The following RAB3GAP2 variants were observed in gnomAD, a reference collection of about 807,000 sequenced individuals.
RAB3GAP2 encodes the protein rab3 GTPase-activating protein non-catalytic subunit.
A neutral mutation model predicts 185.3 loss-of-function variants in RAB3GAP2; 87 were observed. The ratio of observed to expected loss-of-function variants is 0.47; its 90% CI spans 0.39 to 0.56. RAB3GAP2 has a LOEUF of 0.56. RAB3GAP2 is among the 20% of genes least tolerant of loss of function. RAB3GAP2 has a pLI of 0.00. For synonymous variants in RAB3GAP2, 554 were observed against 576.1 expected, an observed-to-expected ratio of 0.96 and a Z score of 0.55; for missense variants, 1,492 against 1,638.2, an observed-to-expected ratio of 0.91 and a Z score of 1.54.
Position 220,205,965 on chromosome 1 carries a change from A to G in RAB3GAP2, c.654T>C (p.Thr218=). Residue 218 remains threonine, a synonymous_variant, in exon 8 of 35, where the codon ACT becomes ACC. Transcript: ENST00000358951. The stretch of plus-strand genomic sequence containing the variant: ...ATTGAAAAAGGCTAAATCCATCAAT[A>G]GTCACAATGGCAGCTGGATATAAGA... ...LSILYPAAIV[T]IDGFSLFQSL... The G allele has an allele frequency of 6.2e-7, 1 of 1,611,606 alleles. No individual in the cohort carries two copies. Among genetic ancestry groups the G allele is most frequent in the Non-Finnish European group, 8.5e-7 (1 of 1,177,958 alleles).
At chr1:220,202,150 G>C in intron 9 of RAB3GAP2, 126 bp downstream of exon 9, 1 of 1,063,880 alleles carries the variant, frequency 9.4e-7, no homozygotes, top group Non-Finnish European at 1.3e-6. Flanking sequence ...GGGTGACAGA[G>C]CAAAGCTCCA....
intron 1 of RAB3GAP2, among the ~76,000 whole-genome samples, chr1:220,251,879 G>A (rs1470940320): frequency 2.6e-5 from 4 of 152,140 alleles, no homozygotes; most frequent in East Asian, 1.9e-4. Context: ...TAGACTGGGT[G>A]CGGTGGCTCA....
chr1:220,226,255 T>C (rs1571916067), intron 2 of RAB3GAP2, among the ~76,000 whole-genome samples: 1 of 152,172 alleles, frequency 6.6e-6, no homozygotes, highest in African/African-American at 2.4e-5. Context: ...AATACACCAA[T>C]GAAGGAAAGT....
chr1:220,244,745 A>T (rs1267127935), intron 1 of RAB3GAP2, among the ~76,000 whole-genome samples: 1 of 152,200 alleles, frequency 6.6e-6, no homozygotes, highest in Non-Finnish European at 1.5e-5. Flanking sequence ...ACCCAGAAGT[A>T]AAGCCAAATA....
chr1:220,242,570 A>T (rs139312439), intron 1 of RAB3GAP2, among the ~76,000 whole-genome samples: 101 of 152,064 alleles, frequency 6.6e-4, no homozygotes, highest in African/African-American at 2.4e-3. Flanking sequence ...GCTCCGTATT[A>T]TACCACTGTG....
At chr1:220,261,477 C>T (rs982743408) in intron 1 of RAB3GAP2, among the ~76,000 whole-genome samples, 35 of 152,208 alleles carry the variant, frequency 2.3e-4, no homozygotes, top group Non-Finnish European at 4.7e-4. Context: ...ACTGGTCACT[C>T]CACTTCCACT....
At chr1:220,243,124 G>A (rs1424372839) in intron 1 of RAB3GAP2, among the ~76,000 whole-genome samples, 1 of 152,088 alleles carries the variant, frequency 6.6e-6, no homozygotes, top group Non-Finnish European at 1.5e-5. Flanking sequence ...GGAGGCCGAG[G>A]GGGGCGGATC....
intron 13 of RAB3GAP2, among the ~76,000 whole-genome samples, chr1:220,192,658 C>A (rs190504736): frequency 2.7e-3 from 410 of 152,274 alleles, no homozygotes; most frequent in Non-Finnish European, 4.6e-3. Context: ...TTTCTGCTTC[C>A]TTCCCGGAAT....
intron 28 of RAB3GAP2, among the ~76,000 whole-genome samples, chr1:220,159,898 T>A (rs1571875224): frequency 6.6e-6 from 1 of 152,162 alleles, no homozygotes; most frequent in African/African-American, 2.4e-5. Context: ...GCACCTGTAG[T>A]CCTAGCTACT....
At chr1:220,243,513 G>A (rs1314117958) in intron 1 of RAB3GAP2, among the ~76,000 whole-genome samples, 1 of 152,130 alleles carries the variant, frequency 6.6e-6, no homozygotes, top group East Asian at 1.9e-4. Context: ...CTCGCTCAAG[G>A]TCACACAACT....
intron 2 of RAB3GAP2, among the ~76,000 whole-genome samples, chr1:220,225,546 G>A (rs1256684716): frequency 6.6e-6 from 1 of 152,176 alleles, no homozygotes; most frequent in Non-Finnish European, 1.5e-5. Context: ...AGCTGTGAAA[G>A]CCAAAAATGT....
chr1:220,167,561 CCTT>C lies in RAB3GAP2; in HGVS notation c.2918_2920del (p.Glu973del), dbSNP rs1558142094. 7 of 1,614,154 alleles carry C rather than the reference CCTT, an allele frequency of 4.3e-6. No homozygotes were observed. Among genetic ancestry groups the C allele is most frequent in the Non-Finnish European group, 5.1e-6 (6 of 1,180,018 alleles). On this transcript the variant is annotated inframe_deletion, in exon 25 of 35. Coordinates refer to ENST00000358951, the MANE Select transcript of RAB3GAP2 (RefSeq NM_012414.4). ...TACCTCAAGGAAACTTCTGTTAACA[CCTT>C]CTTTGGGTTCATCTGGGTTTTCTGC... is the stretch of plus-strand genomic sequence containing the variant.
In RAB3GAP2 at chr1:220,171,857, T is replaced by C. The variant is rs576348253; in HGVS notation, c.2577+32A>G. 8.7e-5 allele frequency: 140 copies of C among 1,613,942 alleles called. 1 individual carries two copies. In the South Asian group the frequency reaches 1.4e-3, roughly 16 times the overall value. On this transcript the variant is annotated intron_variant, in intron 23 of 34. Coordinates refer to ENST00000358951, the MANE Select transcript of RAB3GAP2 (RefSeq NM_012414.4). ...GCATCCCCTTAGCCTACTGGATGTG[T>C]ACAGATCAAAGCCATACCTTTACCC...
chr1:220,195,137 T>C lies in RAB3GAP2; in HGVS notation c.1071A>G (p.Glu357=). The stretch of plus-strand genomic sequence containing the variant: ...GCTTTTGCTTTTGGACAGCTTCTTC[T>C]TCGTGCTTACTTTTCCAACCAAGCC... ...SGWLGWKSKH[E]EEAVQKQKPK... Residue 357 remains glutamate, a synonymous_variant, in exon 12 of 35, where the codon GAA becomes GAG. Coordinates refer to ENST00000358951, the MANE Select transcript of RAB3GAP2 (RefSeq NM_012414.4). The C allele has an allele frequency of 1.9e-6, 3 of 1,614,168 alleles. No individual in the cohort carries two copies. Among genetic ancestry groups the C allele is most frequent in the Non-Finnish European group, 2.5e-6 (3 of 1,180,008 alleles).
chr1:220,228,415 A>C (rs1659441997), intron 2 of RAB3GAP2, among the ~76,000 whole-genome samples: 1 of 152,188 alleles, frequency 6.6e-6, no homozygotes, highest in Non-Finnish European at 1.5e-5. Context: ...CCTGGTATAA[A>C]ACATTTTGCT....
chr1:220,204,990 C>A (rs1328805804), intron 8 of RAB3GAP2, among the ~76,000 whole-genome samples: 1 of 151,778 alleles, frequency 6.6e-6, no homozygotes, highest in Non-Finnish European at 1.5e-5. Flanking sequence ...TCATTGTTGT[C>A]TATTGTTGTT....
rs922173485 is a variant in RAB3GAP2, at chr1:220,148,878, T to A, written c.*2373A>T. On this transcript the variant is annotated 3_prime_UTR_variant, in exon 35 of 35. Coordinates refer to ENST00000358951, the MANE Select transcript of RAB3GAP2 (RefSeq NM_012414.4). ...AGAAGTTATGATTATTTGAACACTT[T>A]TTGTTTTCCTTCAGCATTATACAAT... 2.6e-5 allele frequency: 4 copies of A among 152,208 alleles called. No individual in the cohort carries two copies. Among genetic ancestry groups the A allele is most frequent in the Non-Finnish European group, 5.9e-5 (4 of 68,022 alleles). 9.4% of individuals were successfully genotyped at this position (152,208 alleles called of 1,614,324 possible).
chr1:220,175,537 A>C (rs1332447368), intron 21 of RAB3GAP2, among the ~76,000 whole-genome samples: 2 of 152,190 alleles, frequency 1.3e-5, no homozygotes, highest in Non-Finnish European at 2.9e-5. Flanking sequence ...ATTTCTAAAC[A>C]TACCTATAGA....
At chr1:220,214,014 A>T in intron 2 of RAB3GAP2, 35 bp from the exon 3 acceptor site, 1 of 1,608,870 alleles carries the variant, frequency 6.2e-7, no homozygotes, top group Non-Finnish European at 8.5e-7. Flanking sequence ...CATATGCAAA[A>T]ATACCAAGAG....
Sources: allele counts gnomAD v4.1 joint callset (sites outside exome capture counted in the v4.1 genomes callset), GRCh38; gene constraint gnomAD v4.1.1; transcripts MANE v1.5; gene names NCBI Gene and HGNC (gene_info 2026-07-23, HGNC 2026-07-21).